The following DMD variants were observed in gnomAD, a reference collection of about 807,000 sequenced individuals.
DMD encodes dystrophin.
In DMD, 63 loss-of-function variants were observed where a neutral mutation model predicts 330.1. That is an observed-to-expected ratio of 0.19 (90% CI 0.16 to 0.24). The LOEUF is 0.24. Ranked by LOEUF, DMD falls within the 10% of genes least tolerant of loss-of-function variation. The probability of loss-of-function intolerance (pLI) is 1.00; values close to 1 mark genes in which losing one functional copy is unlikely to be tolerated. For synonymous variants in DMD, 1,223 were observed against 959.8 expected (o/e 1.27, Z -5.07); for missense variants, 3,344 against 2,684.1 (o/e 1.25, Z -5.43).
chrX:32,085,144 A>G (rs1055283610), intron 44 of DMD, among the ~76,000 whole-genome samples: 1 of 111,521 alleles, frequency 9.0e-6, no homozygotes, highest in African/African-American at 3.3e-5. Flanking sequence ...GATACTTGCC[A>G]CAAGTTTGGA....
chrX:32,524,776 T>G (rs2046791707), intron 17 of DMD, among the ~76,000 whole-genome samples: 2 of 112,491 alleles, frequency 1.8e-5, no homozygotes, highest in Non-Finnish European at 3.8e-5. Context: ...TTCAATTTTT[T>G]GTCTGACTTT....
intron 47 of DMD, among the ~76,000 whole-genome samples, chrX:31,913,808 C>G (rs1373374113): frequency 8.9e-6 from 1 of 111,840 alleles, no homozygotes; most frequent in Non-Finnish European, 1.9e-5. Context: ...AAAGGCTGCT[C>G]TTATCACTGA....
chrX:32,264,415 G>T (rs2097336037), intron 43 of DMD, among the ~76,000 whole-genome samples: 1 of 111,628 alleles, frequency 9.0e-6, no homozygotes, highest in Non-Finnish European at 1.9e-5. Flanking sequence ...GTACCACAGA[G>T]AGTGGGATAC....
intron 52 of DMD, among the ~76,000 whole-genome samples, chrX:31,680,668 G>A (rs371574868): frequency 1.8e-5 from 2 of 110,688 alleles, no homozygotes; most frequent in African/African-American, 6.6e-5. Context: ...GTGAGCCACC[G>A]CGCCTGGCCA....
chrX:31,483,970 G>C (rs973392947), intron 57 of DMD, among the ~76,000 whole-genome samples: 1 of 111,178 alleles, frequency 9.0e-6, no homozygotes, highest in African/African-American at 3.3e-5. Flanking sequence ...TTGTAGCATG[G>C]AGCTTAAAAC....
chrX:32,465,481 TTCAAGACGATCACC>T (rs1360954848), intron 23 of DMD, among the ~76,000 whole-genome samples: 27 of 110,948 alleles, frequency 2.4e-4, no homozygotes, highest in African/African-American at 8.8e-4. Context: ...CTAAGAGAAC[TTCAAGACGATCACC>T]TTGCTGTTAT....
rs932004886 is a variant in DMD, at chrX:33,256,524, A to C, written c.7+82735T>G. Among the ~76,000 whole-genome samples the C allele has an allele frequency of 6.3e-5, 7 of 110,414 alleles. No individual in the cohort carries two copies. The East Asian group carries it at 2.0e-3, about 31-fold the overall frequency. ...TTTATTCTGTTCTAGGATGAGAGGAAATATAACATTTATATTTTAAATTAA... is the reference window on the plus strand; with the variant it reads ...TTTATTCTGTTCTAGGATGAGAGGACATATAACATTTATATTTTAAATTAA... On this transcript the variant is annotated intron_variant, in intron 1 of 17. Transcript: ENST00000288447.
chrX:32,693,363 A>G (rs2063421611), intron 9 of DMD, among the ~76,000 whole-genome samples: 1 of 112,290 alleles, frequency 8.9e-6, no homozygotes, highest in African/African-American at 3.2e-5. Context: ...AAATCGAACT[A>G]ATACATATAG....
intron 45 of DMD, among the ~76,000 whole-genome samples, chrX:31,962,840 G>A (rs766983108): frequency 2.7e-5 from 3 of 111,514 alleles, no homozygotes; most frequent in South Asian, 7.6e-4. Flanking sequence ...CAGAGCAAGC[G>A]GACGGGACAG....
At chrX:31,168,192 C>A (rs774349737) in intron 74 of DMD, among the ~76,000 whole-genome samples, 1 of 111,655 alleles carries the variant, frequency 9.0e-6, no homozygotes, top group South Asian at 3.8e-4. Context: ...GAAATACTAG[C>A]TACAACAGCA....
At chrX:31,777,362 T>C (rs770217057) in intron 50 of DMD, among the ~76,000 whole-genome samples, 1 of 111,460 alleles carries the variant, frequency 9.0e-6, no homozygotes, top group African/African-American at 3.3e-5. Context: ...CACATACATT[T>C]TTTTTCCTAT....
At chrX:31,136,251 ACTCT>A (rs2035209455) in intron 76 of DMD, among the ~76,000 whole-genome samples, 1 of 109,201 alleles carries the variant, frequency 9.2e-6, no homozygotes, top group African/African-American at 3.3e-5. Flanking sequence ...ATAGTTACAA[ACTCT>A]CTCTCTCCTC....
At chrX:32,815,659 CTGT>C (rs1254774890) in intron 6 of DMD, among the ~76,000 whole-genome samples, 36 of 107,958 alleles carry the variant, frequency 3.3e-4, no homozygotes, top group African/African-American at 8.1e-4. Context: ...TTTTCTTGAA[CTGT>C]TATTAATTCA....
At chrX:32,916,311 G>A (rs1029594056) in intron 2 of DMD, among the ~76,000 whole-genome samples, 1 of 111,307 alleles carries the variant, frequency 9.0e-6, no homozygotes, top group Admixed American at 9.6e-5. Flanking sequence ...CTGACGAAGG[G>A]TAACTAGAAA....
At position 31,390,138 on chromosome X, in the gene DMD, G is replaced by GA. The variant is rs1182081687; in HGVS notation, c.9085-41505dup. 1.4e-4 allele frequency among the ~76,000 whole-genome samples: 14 copies of GA among 102,591 alleles called. No homozygotes were observed. In the East Asian group the frequency reaches 1.5e-3, roughly 11 times the overall value. The allele number at this position is 102,591 out of a possible 115,157, so 89.1% of individuals were successfully genotyped here. On this transcript the variant is annotated intron_variant, in intron 60 of 78. Transcript: ENST00000357033. ...TGTAGCAAAGTTGGAACTTAAAATG[G>GA]AAAAAAAAAACAAAAAGCCCAGACC...
intron 51 of DMD, among the ~76,000 whole-genome samples, chrX:31,746,198 A>G (rs951553066): frequency 8.9e-6 from 1 of 112,546 alleles, no homozygotes; most frequent in African/African-American, 3.2e-5. Context: ...GCAGCCATCA[A>G]TAAACTGAGG....
intron 58 of DMD, among the ~76,000 whole-genome samples, chrX:31,478,778 T>C (rs2068015861): frequency 4.5e-5 from 5 of 112,179 alleles, no homozygotes; most frequent in Admixed American, 2.8e-4. Context: ...TCTTTTGATG[T>C]TTATTTATGA....
intron 1 of DMD, among the ~76,000 whole-genome samples, chrX:33,251,834 T>C (rs1395010121): frequency 1.8e-5 from 2 of 111,682 alleles, no homozygotes; most frequent in South Asian, 3.7e-4. Context: ...GTGAAATAAA[T>C]AAATAAGGAA....
chrX:32,696,076 G>A (rs1346589427), intron 9 of DMD, among the ~76,000 whole-genome samples: 1 of 111,633 alleles, frequency 9.0e-6, no homozygotes, highest in Admixed American at 9.5e-5. Context: ...TTTCCATAGG[G>A]GACAGTCACC....
Sources: gnomAD v4.1 joint callset for allele counts (sites outside exome capture counted in the v4.1 genomes callset) on GRCh38, gnomAD v4.1.1 for gene constraint, MANE v1.5 for transcripts, NCBI Gene and HGNC (gene_info 2026-07-23, HGNC 2026-07-21) for gene names.